Variants in MTUS2 observed in about 807,000 individuals in gnomAD.
MTUS2 encodes the protein microtubule associated scaffold protein 2.
Under a neutral mutation model 114.1 loss-of-function variants are expected in MTUS2, and 40 were observed. That is an observed-to-expected ratio of 0.35 (90% CI 0.27 to 0.46). MTUS2 has a LOEUF of 0.46. Among genes scored for constraint, MTUS2 ranks in the 20% least tolerant of loss-of-function variants. The pLI is 1.00. For missense variants in MTUS2, 1,679 were observed against 1,705.4 expected (o/e 0.98, Z 0.27); for synonymous variants, 688 against 672.0 (o/e 1.02, Z -0.37).
chr13:29,067,285 T>G (rs1888707774), intron 4 of MTUS2, among the ~76,000 whole-genome samples: 1 of 151,922 alleles, frequency 6.6e-6, no homozygotes, highest in African/African-American at 2.4e-5. Flanking sequence ...AGAAGGAAAC[T>G]TTCCATCCAT....
chr13:28,827,526 A>G (rs371202046), intron 1 of MTUS2, among the ~76,000 whole-genome samples: 18 of 152,224 alleles, frequency 1.2e-4, no homozygotes, highest in African/African-American at 4.3e-4. Context: ...GTTAGCATTA[A>G]TATCTCAGTT....
At chr13:28,862,575 T>C (rs1470674913) in intron 2 of MTUS2, among the ~76,000 whole-genome samples, 2 of 152,246 alleles carry the variant, frequency 1.3e-5, no homozygotes, top group African/African-American at 2.4e-5. Context: ...ACTGTGCCAC[T>C]GCACTCCGGC....
chr13:28,975,028 A>G (rs1884025220), intron 2 of MTUS2, among the ~76,000 whole-genome samples: 1 of 152,240 alleles, frequency 6.6e-6, no homozygotes, highest in South Asian at 2.1e-4. Flanking sequence ...TCCTTCAGTT[A>G]TAAAAGAAGA....
chr13:29,238,279 G>A (rs1161096398), intron 5 of MTUS2, among the ~76,000 whole-genome samples: 1 of 152,164 alleles, frequency 6.6e-6, no homozygotes, highest in Non-Finnish European at 1.5e-5. Context: ...TTCTCTAGAG[G>A]GACAGAACTA....
At chr13:29,107,690 T>C (rs1353239397) in intron 5 of MTUS2, among the ~76,000 whole-genome samples, 1 of 152,310 alleles carries the variant, frequency 6.6e-6, no homozygotes, top group Non-Finnish European at 1.5e-5. Flanking sequence ...TCTCCTTGGA[T>C]ATACTTAATT....
rs1302582841 is a variant in MTUS2 at position 29,463,573 on chromosome 13, C to T, written c.3185-16577C>T. ...CATTTTGTAGCTGAGGAAGTTGAGG[C>T]CCAGAGCTAGGTGACTTGCCCTAGG... On this transcript the variant is annotated intron_variant, in intron 9 of 15. Transcript: ENST00000612955. Among the ~76,000 whole-genome samples, 3 of 147,828 alleles carry T rather than the reference C, an allele frequency of 2.0e-5. No homozygotes were observed. In the Admixed American group the frequency reaches 2.0e-4, roughly 10 times the overall value.
At chr13:28,950,916 G>T (rs887968894) in intron 2 of MTUS2, among the ~76,000 whole-genome samples, 2 of 152,126 alleles carry the variant, frequency 1.3e-5, no homozygotes, top group African/African-American at 4.8e-5. Flanking sequence ...GCTTCCATTT[G>T]TAAAAAACAC....
intron 5 of MTUS2, among the ~76,000 whole-genome samples, chr13:29,241,974 A>G (rs1423727888): frequency 6.6e-6 from 1 of 152,156 alleles, no homozygotes; most frequent in Non-Finnish European, 1.5e-5. Context: ...TCACCCTGGC[A>G]TCCCATTCAG....
intron 7 of MTUS2, among the ~76,000 whole-genome samples, chr13:29,357,950 A>G (rs1274598837): frequency 6.6e-6 from 1 of 152,136 alleles, no homozygotes; most frequent in Non-Finnish European, 1.5e-5. Context: ...TCACAAACCC[A>G]TTACTCTGCA....
chr13:28,839,055 A>C (rs1388701018), intron 1 of MTUS2, among the ~76,000 whole-genome samples: 1 of 152,094 alleles, frequency 6.6e-6, no homozygotes, highest in Non-Finnish European at 1.5e-5. Flanking sequence ...TAGGTAAAAA[A>C]ATGGTTGAGT....
intron 5 of MTUS2, among the ~76,000 whole-genome samples, chr13:29,208,625 C>T (rs892737660): frequency 6.6e-5 from 10 of 152,056 alleles, no homozygotes; most frequent in African/African-American, 1.4e-4. Flanking sequence ...TTTAATAGGT[C>T]GTATCACTAT....
At chr13:28,998,358 AAT>A (rs1190450646) in intron 2 of MTUS2, among the ~76,000 whole-genome samples, 1 of 152,080 alleles carries the variant, frequency 6.6e-6, no homozygotes, top group African/African-American at 2.4e-5. Flanking sequence ...TGAATCTGAC[AAT>A]TATGTGCCTT....
intron 2 of MTUS2, among the ~76,000 whole-genome samples, chr13:28,971,632 A>G (rs969365071): frequency 1.3e-5 from 2 of 152,236 alleles, no homozygotes; most frequent in African/African-American, 4.8e-5. Flanking sequence ...GGGTGCAGAC[A>G]TTACATTCAT....
chr13:29,023,522 C>T (rs1237070834), intron 2 of MTUS2, among the ~76,000 whole-genome samples: 1 of 152,144 alleles, frequency 6.6e-6, no homozygotes, highest in Non-Finnish European at 1.5e-5. Flanking sequence ...TTAGAAAAAT[C>T]ATGACATACT....
intron 5 of MTUS2, among the ~76,000 whole-genome samples, chr13:29,164,934 A>G (rs1238081515): frequency 6.6e-6 from 1 of 152,230 alleles, no homozygotes; most frequent in Non-Finnish European, 1.5e-5. Context: ...GTAGAAATGT[A>G]TTGTTCTGAA....
At chr13:29,325,540 A>AG (rs1900466271) in intron 7 of MTUS2, among the ~76,000 whole-genome samples, 1 of 135,550 alleles carries the variant, frequency 7.4e-6, no homozygotes. Context: ...AAGGAGAAGA[A>AG]AAGAAGAAGG....
chr13:28,945,983 T>C (rs141817446), intron 2 of MTUS2, among the ~76,000 whole-genome samples: 164 of 152,328 alleles, frequency 1.1e-3, no homozygotes, highest in African/African-American at 3.8e-3. Flanking sequence ...CTTTACCTCA[T>C]GGATGATGAT....
At chr13:29,479,839 T>C (rs1028545441) in intron 9 of MTUS2, among the ~76,000 whole-genome samples, 4 of 152,218 alleles carry the variant, frequency 2.6e-5, no homozygotes, top group South Asian at 2.1e-4. Context: ...ACGGACCTTG[T>C]GACAACCTGC....
chr13:29,270,854 G>A (rs1897857399), intron 5 of MTUS2, among the ~76,000 whole-genome samples: 1 of 152,176 alleles, frequency 6.6e-6, no homozygotes. Context: ...GGGCACATGA[G>A]CCGCATCAGG....
Sources: gnomAD v4.1 joint callset for allele counts (sites outside exome capture counted in the v4.1 genomes callset) on GRCh38, gnomAD v4.1.1 for gene constraint, MANE v1.5 for transcripts, NCBI Gene and HGNC (gene_info 2026-07-23, HGNC 2026-07-21) for gene names.